MYO1H: variants seen among roughly 807,000 people sequenced by gnomAD.
MYO1H encodes the protein unconventional myosin-Ih.
In MYO1H, 118 loss-of-function variants were observed where a neutral mutation model predicts 149.3. The ratio of observed to expected loss-of-function variants is 0.79; its 90% CI spans 0.68 to 0.92. The LOEUF (loss-of-function observed/expected upper bound fraction) is 0.92, where lower values mean the gene tolerates loss of function less well. MYO1H is among the 40% of genes least tolerant of loss of function. MYO1H has a pLI of 0.00. For synonymous variants in MYO1H, 447 were observed against 465.2 expected, an observed-to-expected ratio of 0.96 and a Z score of 0.50; for missense variants, 1,212 against 1,280.7, an observed-to-expected ratio of 0.95 and a Z score of 0.82.
rs942580030 is a variant in MYO1H at position 109,405,967 on chromosome 12, G to A, written c.895G>A (p.Gly299Ser). ...CAGTGTCTTACACCTGGGGAACATT[G>A]GTTTTGAAGAAGACGACCAAGGCTG... is the stretch of plus-strand genomic sequence containing the variant. Residue 299 changes from glycine to serine, a missense_variant, in exon 8 of 32, where the codon GGT (glycine) becomes AGT (serine). By Grantham distance (56) the Gly-to-Ser change is moderately conservative. Transcript: ENST00000310903. The A allele has an allele frequency of 2.5e-6, 4 of 1,613,846 alleles. No individual in the cohort carries two copies. Among genetic ancestry groups the A allele is most frequent in the Non-Finnish European group, 3.4e-6 (4 of 1,179,782 alleles).
At chr12:109,397,397 A>G (rs561783622) in intron 4 of MYO1H, among the ~76,000 whole-genome samples, 1 of 152,210 alleles carries the variant, frequency 6.6e-6, no homozygotes, top group Non-Finnish European at 1.5e-5. Flanking sequence ...CGGTGGTATA[A>G]AAAGGGGTCT....
At chr12:109,408,011 G>A in intron 10 of MYO1H, 98 bp downstream of exon 10, 3 of 1,481,768 alleles carry the variant, frequency 2.0e-6, no homozygotes, top group Non-Finnish European at 2.8e-6. Context: ...ATGAACTGTG[G>A]GCGCCTCATG....
At chr12:109,335,086 C>T in the MYO1H span, among the ~76,000 whole-genome samples, 4 of 152,122 alleles carry the variant, frequency 2.6e-5, no homozygotes, top group Non-Finnish European at 4.4e-5. Flanking sequence ...TAGCATGTAG[C>T]GATACTTCGC....
Position 109,424,843 on chromosome 12 carries a change from C to T in MYO1H, c.1725+15C>T. The stretch of plus-strand genomic sequence containing the variant: ...GGCCCCCAACAGTGAGTGGGAAAAA[C>T]ACCCATGCAAAATTGGATCTCACCA... On this transcript the variant is annotated intron_variant, in intron 17 of 31. Coordinates refer to ENST00000310903, the Ensembl canonical transcript of MYO1H. The T allele has an allele frequency of 6.2e-7, 1 of 1,610,304 alleles. No individual in the cohort carries two copies. The highest frequency in any genetic ancestry group is 8.5e-7 in the Non-Finnish European group (1 of 1,176,832).
chr12:109,325,773 C>T, the MYO1H span, among the ~76,000 whole-genome samples: 1 of 152,004 alleles, frequency 6.6e-6, no homozygotes, highest in Admixed American at 6.6e-5. Context: ...ATGAAGAGAC[C>T]CTTCTCAAAA....
the MYO1H span, among the ~76,000 whole-genome samples, chr12:109,340,811 G>T: frequency 6.6e-6 from 1 of 152,190 alleles, no homozygotes; most frequent in South Asian, 2.1e-4. Context: ...TTTTGCATAT[G>T]CATGTTCAAT....
the MYO1H span, among the ~76,000 whole-genome samples, chr12:109,333,993 G>A: frequency 6.6e-6 from 1 of 151,532 alleles, no homozygotes; most frequent in African/African-American, 2.4e-5. Context: ...TTATTTACTT[G>A]TTTATGTACT....
chr12:109,441,077 C>A (rs1036319085), intron 25 of MYO1H, among the ~76,000 whole-genome samples: 2 of 152,232 alleles, frequency 1.3e-5, no homozygotes, highest in Non-Finnish European at 2.9e-5. Flanking sequence ...CATCCATCCA[C>A]CGGAGCAGAG....
chr12:109,404,199 T>TG, intron 7 of MYO1H, 119 bp downstream of exon 7: 1 of 739,046 alleles, frequency 1.4e-6, no homozygotes, highest in Non-Finnish European at 2.3e-6. Flanking sequence ...AGGATGCAGC[T>TG]GGGTGTGGTG....
chr12:109,385,946 G>A (rs190575797), intron 1 of MYO1H, among the ~76,000 whole-genome samples: 4 of 152,152 alleles, frequency 2.6e-5, no homozygotes, highest in Admixed American at 2.6e-4. Flanking sequence ...TATCTTGACC[G>A]ATAGATATAC....
intron 5 of MYO1H, 142 bp downstream of exon 5, chr12:109,397,954 A>C (rs912064650): frequency 4.0e-5 from 22 of 555,422 alleles, no homozygotes; most frequent in Middle Eastern, 3.2e-4. Context: ...TGCTGGTTTT[A>C]GGAAATGCAA....
At chr12:109,337,946 T>C in the MYO1H span, among the ~76,000 whole-genome samples, 1 of 152,142 alleles carries the variant, frequency 6.6e-6, no homozygotes, top group African/African-American at 2.4e-5. Context: ...TGTGGATCTC[T>C]ACATAGGTAC....
Position 109,445,617 on chromosome 12 carries a change from G to A in MYO1H, c.3093+5G>A. Reference sequence around the variant, plus strand: ...AAAAATGGACAATTAACAGTGGTGAGTGGCCGTCTCTGGGAGGGAAGTAAG... The same window carrying A: ...AAAAATGGACAATTAACAGTGGTGAATGGCCGTCTCTGGGAGGGAAGTAAG... On this transcript the variant is annotated splice_donor_5th_base_variant and intron_variant, in intron 31 of 31. Coordinates refer to ENST00000310903, the Ensembl canonical transcript of MYO1H. The A allele has an allele frequency of 5.6e-6, 9 of 1,608,178 alleles. No individual in the cohort carries two copies. The highest frequency in any genetic ancestry group is 7.6e-6 in the Non-Finnish European group (9 of 1,178,604).
At chr12:109,423,151 A>C (rs1871242804) in intron 16 of MYO1H, among the ~76,000 whole-genome samples, 1 of 151,198 alleles carries the variant, frequency 6.6e-6, no homozygotes, top group Admixed American at 6.6e-5. Flanking sequence ...TTAGCATTTT[A>C]ATCATTTTAT....
intron 19 of MYO1H, among the ~76,000 whole-genome samples, chr12:109,429,205 T>C (rs1871506271): frequency 9.6e-6 from 1 of 103,794 alleles, no homozygotes; most frequent in Non-Finnish European, 1.9e-5. Context: ...AGACTCTGTA[T>C]CAAAACAAAC....
chr12:109,377,174 G>A (rs968947100), intron 1 of MYO1H, among the ~76,000 whole-genome samples: 4 of 152,000 alleles, frequency 2.6e-5, no homozygotes, highest in Non-Finnish European at 5.9e-5. Context: ...ATCTCTTGCC[G>A]TCTTAGTCCA....
chr12:109,443,353 TATACACAC>T (rs745660107), intron 27 of MYO1H, among the ~76,000 whole-genome samples, 153 bp from the exon 28 acceptor site: 1,380 of 92,014 alleles, frequency 0.015, 315 homozygotes, highest in Non-Finnish European at 0.021. Flanking sequence ...TATGTGTGTA[TATACACAC>T]ACACACACAC....
the MYO1H span, among the ~76,000 whole-genome samples, chr12:109,316,632 G>C: frequency 6.6e-6 from 1 of 152,236 alleles, no homozygotes; most frequent in Non-Finnish European, 1.5e-5. Context: ...ATAGGGATGG[G>C]GTATTAACAA....
chr12:109,355,886 T>TTC (rs1230441035), intron 1 of MYO1H, among the ~76,000 whole-genome samples: 5 of 151,252 alleles, frequency 3.3e-5, no homozygotes, highest in Non-Finnish European at 7.4e-5. Flanking sequence ...TTTTTTTTTT[T>TTC]CTGGTATTTT....
Sources: allele counts gnomAD v4.1 joint callset (sites outside exome capture counted in the v4.1 genomes callset), GRCh38; gene constraint gnomAD v4.1.1; transcripts MANE v1.5; gene names NCBI Gene and HGNC (gene_info 2026-07-23, HGNC 2026-07-21).